CDK10: variants seen among roughly 807,000 people sequenced by gnomAD.
CDK10 encodes the protein cyclin-dependent kinase 10.
A neutral mutation model predicts 51.0 loss-of-function variants in CDK10; 55 were observed. The observed-to-expected ratio is 1.08, with a 90% CI of 0.87 to 1.35. The LOEUF (loss-of-function observed/expected upper bound fraction) is 1.35. CDK10 is among the 40% of genes most tolerant of loss of function. The pLI is 0.00. For synonymous variants in CDK10, 255 were observed against 199.1 expected (o/e 1.28, Z -2.36); for missense variants, 589 against 485.1 (o/e 1.21, Z -2.01).
At chr16:89,691,362 C>A in intron 3 of CDK10, 81 bp from the exon 4 acceptor site, 3 of 1,005,458 alleles carry the variant, frequency 3.0e-6, no homozygotes, top group African/African-American at 1.6e-5. Flanking sequence ...ATCAGGTGTT[C>A]GTGAAGCCCA....
intron 11 of CDK10, 44 bp downstream of exon 11, chr16:89,695,114 C>T: frequency 6.3e-7 from 1 of 1,581,298 alleles, no homozygotes; most frequent in Non-Finnish European, 8.6e-7. Context: ...ACCACCCACA[C>T]TGTCCAGACC....
chr16:89,688,604 C>T (rs554810163), intron 1 of CDK10, among the ~76,000 whole-genome samples: 1 of 152,170 alleles, frequency 6.6e-6, no homozygotes, highest in Non-Finnish European at 1.5e-5. Flanking sequence ...GTCACACGGT[C>T]CCTTCAGCTC....
In CDK10 at chr16:89,686,738, C is replaced by T. The variant is rs200739575; in HGVS notation, c.28C>T (p.Gln10Ter). 8 of 1,611,702 alleles carry T rather than the reference C, an allele frequency of 5.0e-6. No homozygotes were observed. In the African/African-American group the frequency reaches 8.0e-5, roughly 16 times the overall value. Residue 10 changes from glutamine to a stop codon, truncating the protein, a stop_gained, in exon 1 of 13, where the codon CAG becomes TAG. Coordinates refer to ENST00000353379, the MANE Select transcript of CDK10 (RefSeq NM_052988.5). LOFTEE classifies it high-confidence loss of function. ...GGCGGAGCCAGATCTGGAGTGCGAG[C>T]AGATCCGTCTGAAGTGTATTCGTAA... MAEPDLECE[Q>*]IRLKCIRKEG...
At chr16:89,689,182 C>G (rs2060332110) in intron 1 of CDK10, 70 bp from the exon 2 acceptor site, 4 of 1,424,542 alleles carry the variant, frequency 2.8e-6, no homozygotes, top group Non-Finnish European at 4.0e-6. Flanking sequence ...GGTACAAATT[C>G]CATTTGAAAT....
Position 89,695,850 on chromosome 16 carries a change from A to C in CDK10, c.*158A>C. 2 of 1,499,282 alleles carry C rather than the reference A, an allele frequency of 1.3e-6. No homozygotes were observed. The highest frequency in any genetic ancestry group is 1.8e-6 in the Non-Finnish European group (2 of 1,111,950). 92.9% of individuals were successfully genotyped at this position (1,499,282 alleles called of 1,614,324 possible). A position where few individuals can be genotyped will look rare whatever the true frequency, so the allele number is the denominator to read the frequency against. On this transcript the variant is annotated 3_prime_UTR_variant, in exon 13 of 13. Transcript: ENST00000353379. ...TGACTTCCTCCCACTGTCTGCCCTGAACCCACTGCTGCCCCCAGAAAAAGG... is the reference window on the plus strand; with the variant it reads ...TGACTTCCTCCCACTGTCTGCCCTGCACCCACTGCTGCCCCCAGAAAAAGG...
Position 89,691,501 on chromosome 16 carries a change from C to T in CDK10, c.291C>T (p.Asn97=). 1 of 1,614,006 alleles carries T rather than the reference C, an allele frequency of 6.2e-7. No individual in the cohort carries two copies. ...TGCTGCTCCGCCTGCGTCATCCGAA[C>T]ATCGTGGAGCTGAAGGAGGTGGTTG... The part of the protein sequence containing the change: ...ITLLLRLRHP[N]IVELKEVVVG... Residue 97 remains asparagine, a synonymous_variant, in exon 4 of 13, where the codon AAC becomes AAT. Transcript: ENST00000353379.
chr16:89,694,301 C>CCTGAGG, intron 9 of CDK10, 69 bp downstream of exon 9: 2 of 1,521,534 alleles, frequency 1.3e-6, no homozygotes, highest in Non-Finnish European at 1.8e-6. Context: ...TCACCTGGTT[C>CCTGAGG]CTGAGCTCAG....
intron 8 of CDK10, 174 bp from the exon 9 acceptor site, chr16:89,693,999 C>G: frequency 1.5e-6 from 1 of 661,540 alleles, no homozygotes. Flanking sequence ...AGCTCTCGCC[C>G]CCGGCAACCA....
chr16:89,690,460 ACCCCTGTG>A (rs1298345345), intron 2 of CDK10, 85 bp from the exon 3 acceptor site: 13 of 1,041,138 alleles, frequency 1.2e-5, no homozygotes, highest in Non-Finnish European at 2.0e-5. Context: ...AAGAACGGGG[ACCCCTGTG>A]GCTCAGGGAG....
intron 2 of CDK10, chr16:89,689,625 A>G (rs910127777): frequency 8.6e-6 from 3 of 349,324 alleles, no homozygotes; most frequent in African/African-American, 6.3e-5. Flanking sequence ...GGAGCTGGAC[A>G]TGGTGCTCAT....
chr16:89,691,433 C>G lies in CDK10; in HGVS notation c.233-10C>G, dbSNP rs2060443521. 6.3e-7 allele frequency: 1 copy of G among 1,595,836 alleles called. No homozygotes were observed. Among genetic ancestry groups the G allele is most frequent in the Non-Finnish European group, 8.6e-7 (1 of 1,169,450 alleles). ...GGGGTGGGGCTCGCTGAGGCCACCT[C>G]CCTCCCCAGGCATCCCCATCAGCAG... is the stretch of plus-strand genomic sequence containing the variant. On this transcript the variant is annotated splice_polypyrimidine_tract_variant and intron_variant, in intron 3 of 12. Coordinates refer to ENST00000353379, the MANE Select transcript of CDK10 (RefSeq NM_052988.5).
rs1398744800 is a variant in CDK10 at position 89,695,731 on chromosome 16, C to G, written c.*39C>G. 1 of 1,590,806 alleles carries G rather than the reference C, an allele frequency of 6.3e-7. No homozygotes were observed. The highest frequency in any genetic ancestry group is 1.7e-5 in the Admixed American group (1 of 57,310). The stretch of plus-strand genomic sequence containing the variant: ...ACACGCCTGTATTCCCACACCAGGT[C>G]TTCCGATCAGTGGTGTCTGTGAAGG... On this transcript the variant is annotated 3_prime_UTR_variant, in exon 13 of 13. Coordinates refer to ENST00000353379, the MANE Select transcript of CDK10 (RefSeq NM_052988.5).
At position 89,694,954 on chromosome 16, in the gene CDK10, C is replaced by T. The variant is rs370962699; in HGVS notation, c.816C>T (p.Val272=). The T allele has an allele frequency of 8.7e-6, 14 of 1,613,076 alleles. No homozygotes were observed. The highest frequency in any genetic ancestry group is 5.0e-5 in the Admixed American group (3 of 60,000). Residue 272 remains valine, a synonymous_variant, in exon 11 of 13, where the codon GTC becomes GTT. Coordinates refer to ENST00000353379, the MANE Select transcript of CDK10 (RefSeq NM_052988.5). ...AGGGCTTTTCCAAGCTGCCACTGGT[C>T]GGCCAGTACAGCCTCCGGAAGCAGC... The part of the protein sequence containing the change: ...IWPGFSKLPL[V]GQYSLRKQPY...
intron 3 of CDK10, among the ~76,000 whole-genome samples, chr16:89,691,219 A>G (rs1405718867): frequency 2.0e-5 from 3 of 151,690 alleles, no homozygotes; most frequent in African/African-American, 7.3e-5. Context: ...CGGGAGGCAG[A>G]GGTTGCGGTG....
At chr16:89,694,323 G>T in intron 9 of CDK10, 91 bp downstream of exon 9, 1 of 1,340,086 alleles carries the variant, frequency 7.5e-7, no homozygotes, top group South Asian at 1.2e-5. Context: ...CTCAGGGGAG[G>T]GGCAGGAGTG....
At chr16:89,693,641 C>G (rs1347674502) in intron 8 of CDK10, 174 bp downstream of exon 8, 2 of 643,154 alleles carry the variant, frequency 3.1e-6, no homozygotes, top group Non-Finnish European at 5.4e-6. Context: ...AGGGCTGTGC[C>G]ACAAAATGGT....
chr16:89,692,671 G>A (rs190416565), intron 6 of CDK10, 155 bp downstream of exon 6: 5 of 501,368 alleles, frequency 1.0e-5, no homozygotes, highest in Non-Finnish European at 1.8e-5. Context: ...TAGAGAAGGG[G>A]TCTCTCTGTG....
intron 9 of CDK10, 34 bp from the exon 10 acceptor site, chr16:89,694,631 G>T: frequency 6.4e-7 from 1 of 1,568,710 alleles, no homozygotes; most frequent in Non-Finnish European, 8.6e-7. Context: ...GTCAGCAGAC[G>T]TCTGGCCGCA....
chr16:89,686,900 C>T, intron 1 of CDK10, 103 bp downstream of exon 1: 2 of 1,017,246 alleles, frequency 2.0e-6, no homozygotes, highest in Non-Finnish European at 2.9e-6. Context: ...AGGCTTCCGG[C>T]ACGGGCGGGA....
Sources: allele counts gnomAD v4.1 joint callset (sites outside exome capture counted in the v4.1 genomes callset), GRCh38; gene constraint gnomAD v4.1.1; transcripts MANE v1.5; gene names NCBI Gene and HGNC (gene_info 2026-07-23, HGNC 2026-07-21).